The following AFF2 variants were observed in gnomAD, a reference collection of about 807,000 sequenced individuals.
AFF2 encodes ALF transcription elongation factor 2, also known as AF4/FMR2 family member 2.
In AFF2, 14 loss-of-function variants were observed where a neutral mutation model predicts 76.9. The ratio of observed to expected loss-of-function variants is 0.18; its 90% CI spans 0.12 to 0.28. The LOEUF (loss-of-function observed/expected upper bound fraction) is 0.28. Among genes scored for constraint, AFF2 ranks in the 10% least tolerant of loss-of-function variants. The pLI, the probability that AFF2 is intolerant of heterozygous loss-of-function variation, is 1.00. For synonymous variants in AFF2, 398 were observed against 366.7 expected (o/e 1.09, Z -0.98); for missense variants, 868 against 1,001.1 (o/e 0.87, Z 1.79).
At chrX:148,865,740 G>T (rs1394846995) in intron 7 of AFF2, among the ~76,000 whole-genome samples, 4 of 111,840 alleles carry the variant, frequency 3.6e-5, no homozygotes, top group Non-Finnish European at 7.5e-5. Flanking sequence ...TTTTATCTTT[G>T]CCACTTCTTT....
At chrX:148,710,217 G>A (rs1373020625) in intron 3 of AFF2, among the ~76,000 whole-genome samples, 1 of 111,472 alleles carries the variant, frequency 9.0e-6, no homozygotes, top group Non-Finnish European at 1.9e-5. Context: ...TAACTGACTT[G>A]GATTAAAAAA....
At chrX:148,733,962 G>A (rs2055256303) in intron 3 of AFF2, among the ~76,000 whole-genome samples, 1 of 112,363 alleles carries the variant, frequency 8.9e-6, no homozygotes, top group African/African-American at 3.2e-5. Context: ...TTTACAGCAA[G>A]ACTATTAAAT....
intron 1 of AFF2, among the ~76,000 whole-genome samples, chrX:148,649,883 G>A (rs2054186114): frequency 9.0e-6 from 1 of 111,467 alleles, no homozygotes; most frequent in African/African-American, 3.3e-5. Context: ...GTGATCTATG[G>A]GCCTGTCATT....
rs2072575845 is a variant in AFF2, at chrX:148,994,856, T to G, written c.*3524T>G. 1 of 112,320 alleles carries G rather than the reference T, an allele frequency of 8.9e-6. No individual in the cohort carries two copies. The highest frequency in any genetic ancestry group is 3.8e-4 in the South Asian group (1 of 2,663). The allele number at this position is 112,320 out of a possible 1,213,427, so 9.3% of individuals were successfully genotyped here. ...TCAGTTGAGTTGTGAGGGTGAAGCCTCACATACTTCTCAACAGACATGATA... is the reference window on the plus strand; with the variant it reads ...TCAGTTGAGTTGTGAGGGTGAAGCCGCACATACTTCTCAACAGACATGATA... On this transcript the variant is annotated 3_prime_UTR_variant, in exon 21 of 21. Coordinates refer to ENST00000370460, the MANE Select transcript of AFF2 (RefSeq NM_002025.4).
rs1325190626 is a variant in AFF2, at chrX:148,773,681, GGAAGGAAAGAAAGAAA to G, written c.1042-36191_1042-36176del. ...AGGAAGGAAGGAAAGAAGGAAGGAA[GGAAGGAAAGAAAGAAA>G]GAAAGAAAGAAAGAAAGAAAGAAAG... On this transcript the variant is annotated intron_variant, in intron 3 of 20. Transcript: ENST00000370460. Among the ~76,000 whole-genome samples, 280 of 42,198 alleles carry G rather than the reference GGAAGGAAAGAAAGAAA, an allele frequency of 6.6e-3. 1 individual carries two copies. Among genetic ancestry groups the G allele is most frequent in the African/African-American group, 0.018 (265 of 15,000 alleles). 36.6% of individuals were successfully genotyped at this position (42,198 alleles called of 115,157 possible). A position where few individuals can be genotyped will look rare whatever the true frequency, so the allele number is the denominator to read the frequency against.
chrX:148,672,055 G>A (rs922208140), intron 3 of AFF2, among the ~76,000 whole-genome samples: 6 of 111,704 alleles, frequency 5.4e-5, no homozygotes, highest in Non-Finnish European at 7.5e-5. Context: ...GACTTCTCTC[G>A]TTCTGCATGA....
At chrX:148,757,834 C>T (rs1557267010) in intron 3 of AFF2, among the ~76,000 whole-genome samples, 1 of 112,079 alleles carries the variant, frequency 8.9e-6, no homozygotes, top group African/African-American at 3.2e-5. Flanking sequence ...AAAGGTTAAA[C>T]TCTCATGCAT....
intron 10 of AFF2, 85 bp downstream of exon 10, chrX:148,953,824 C>A: frequency 1.4e-6 from 1 of 715,094 alleles, no homozygotes; most frequent in Non-Finnish European, 2.1e-6. Context: ...GACACACACA[C>A]ACACACACAC....
intron 1 of AFF2, among the ~76,000 whole-genome samples, chrX:148,563,305 G>A: frequency 8.9e-6 from 1 of 112,093 alleles, no homozygotes; most frequent in East Asian, 2.8e-4. Context: ...TTAAGCATGG[G>A]CAGGGGGATC....
chrX:148,561,272 A>G (rs2053109901), intron 1 of AFF2, among the ~76,000 whole-genome samples: 1 of 112,015 alleles, frequency 8.9e-6, no homozygotes, highest in South Asian at 3.7e-4. Context: ...ACCTTGGGTC[A>G]ATTTTGACCC....
At chrX:148,681,607 A>G (rs782001811) in intron 3 of AFF2, among the ~76,000 whole-genome samples, 89 of 103,108 alleles carry the variant, frequency 8.6e-4, no homozygotes, top group African/African-American at 3.3e-3. Context: ...TGAAGAAAGG[A>G]AAGAAGAAAG....
At chrX:148,979,299 C>T (rs1432372288) in intron 18 of AFF2, among the ~76,000 whole-genome samples, 9 of 112,116 alleles carry the variant, frequency 8.0e-5, no homozygotes, top group African/African-American at 2.6e-4. Flanking sequence ...TGGAAGTGCA[C>T]AGCTTTATGA....
intron 1 of AFF2, among the ~76,000 whole-genome samples, chrX:148,520,637 T>A (rs1325335577): frequency 2.7e-5 from 3 of 112,667 alleles, no homozygotes; most frequent in Admixed American, 9.4e-5. Flanking sequence ...ACCAGAACTT[T>A]CACTGAACTC....
chrX:148,774,557 C>T (rs2069644306), intron 3 of AFF2, among the ~76,000 whole-genome samples: 1 of 111,381 alleles, frequency 9.0e-6, no homozygotes, highest in Non-Finnish European at 1.9e-5. Flanking sequence ...ATCAGCCTCT[C>T]TGTGTGTTTC....
chrX:148,784,779 A>G (rs970499643), intron 3 of AFF2, among the ~76,000 whole-genome samples: 4 of 111,651 alleles, frequency 3.6e-5, no homozygotes, highest in Non-Finnish European at 3.8e-5. Flanking sequence ...GCAATTCCAC[A>G]ATTGTGTATG....
intron 9 of AFF2, among the ~76,000 whole-genome samples, chrX:148,923,576 A>G (rs1330812574): frequency 1.8e-5 from 2 of 110,786 alleles, no homozygotes; most frequent in Non-Finnish European, 3.8e-5. Flanking sequence ...AGTAAAACCC[A>G]AAGTGTGTGT....
At chrX:148,540,355 G>T (rs1557237272) in intron 1 of AFF2, among the ~76,000 whole-genome samples, 2 of 105,942 alleles carry the variant, frequency 1.9e-5, no homozygotes, top group East Asian at 6.0e-4. Context: ...GAGGGGGAAA[G>T]ATAACCATAT....
intron 1 of AFF2, among the ~76,000 whole-genome samples, chrX:148,602,774 C>A (rs1480992330): frequency 8.2e-5 from 9 of 109,096 alleles, no homozygotes; most frequent in South Asian, 4.0e-4. Flanking sequence ...ATTCTCTAAG[C>A]TTCATTTTCC....
At chrX:148,953,213 A>T (rs1557286821) in intron 9 of AFF2, among the ~76,000 whole-genome samples, 1 of 112,084 alleles carries the variant, frequency 8.9e-6, no homozygotes, top group African/African-American at 3.2e-5. Context: ...ATGAAAAACT[A>T]CCTTAACTGA....
Sources: gnomAD v4.1 joint callset for allele counts (sites outside exome capture counted in the v4.1 genomes callset) on GRCh38, gnomAD v4.1.1 for gene constraint, MANE v1.5 for transcripts, NCBI Gene and HGNC (gene_info 2026-07-23, HGNC 2026-07-21) for gene names.